The following COL5A3 variants were observed in gnomAD, a reference collection of about 807,000 sequenced individuals.
COL5A3 encodes the protein collagen type V alpha 3 chain, also known as collagen alpha-3(V) chain.
A neutral mutation model predicts 250.0 loss-of-function variants in COL5A3; 172 were observed. That is an observed-to-expected ratio of 0.69 (90% CI 0.61 to 0.78). The LOEUF (loss-of-function observed/expected upper bound fraction) is 0.78, where lower values mean the gene tolerates loss of function less well. Among genes scored for constraint, COL5A3 ranks in the 30% least tolerant of loss-of-function variants. The pLI is 0.00. For synonymous variants in COL5A3, 937 were observed against 900.4 expected, an observed-to-expected ratio of 1.04 and a Z score of -0.73; for missense variants, 2,340 against 2,334.4, an observed-to-expected ratio of 1.00 and a Z score of -0.05.
intron 27 of COL5A3, 145 bp downstream of exon 27, chr19:9,988,979 G>A (rs1484685704): frequency 2.5e-6 from 2 of 786,654 alleles, no homozygotes; most frequent in Admixed American, 3.9e-5. Context: ...GTCCTTGGCT[G>A]TGCAGCTCCA....
intron 64 of COL5A3, among the ~76,000 whole-genome samples, chr19:9,964,125 A>G (rs1173406408): frequency 6.6e-6 from 1 of 152,120 alleles, no homozygotes; most frequent in Non-Finnish European, 1.5e-5. Flanking sequence ...GTGAACCAAG[A>G]TCACGCCACT....
chr19:10,005,672 G>A lies in COL5A3; in HGVS notation c.480C>T (p.Thr160=). The A allele has an allele frequency of 6.2e-7, 1 of 1,613,624 alleles. No homozygotes were observed. The highest frequency in any genetic ancestry group is 1.1e-5 in the South Asian group (1 of 91,006). The change falls in exon 4 of 67, where the codon ACC becomes ACT. Residue 160 remains threonine, a synonymous_variant. Transcript: ENST00000264828. ...VAVSIDGEMV[T]LVADCEAQPP... ...GCTGAGCTTCACAGTCAGCTACCAG[G>A]GTCACCATCTCACCATCTATGCTGA...
chr19:9,995,717 G>T, intron 15 of COL5A3, 100 bp from the exon 16 acceptor site: 1 of 892,156 alleles, frequency 1.1e-6, no homozygotes, highest in Non-Finnish European at 1.7e-6. Flanking sequence ...TTGCTGTATT[G>T]CCCAGGCCAG....
chr19:9,993,506 T>C, intron 18 of COL5A3, 73 bp from the exon 19 acceptor site: 4 of 1,584,984 alleles, frequency 2.5e-6, no homozygotes, highest in Non-Finnish European at 2.6e-6. Flanking sequence ...GGAAGGCAGA[T>C]GGGGTGTGAG....
chr19:10,003,038 C>T (rs2087387423), intron 6 of COL5A3, among the ~76,000 whole-genome samples: 1 of 152,092 alleles, frequency 6.6e-6, no homozygotes, highest in Non-Finnish European at 1.5e-5. Flanking sequence ...AAACACTGAC[C>T]TCAATTAATA....
At chr19:10,001,907 G>A in intron 6 of COL5A3, 26 bp from the exon 7 acceptor site, 2 of 1,550,822 alleles carry the variant, frequency 1.3e-6, no homozygotes, top group East Asian at 2.2e-5. Context: ...AGGGAGCCTT[G>A]GGTCTCGGGT....
chr19:9,985,349 C>T (rs2087084462), intron 31 of COL5A3, among the ~76,000 whole-genome samples: 1 of 151,044 alleles, frequency 6.6e-6, no homozygotes, highest in African/African-American at 2.4e-5. Context: ...CAACCTCTGC[C>T]TCCTGGGTTC....
chr19:9,965,299 C>A (rs572715440), intron 64 of COL5A3, among the ~76,000 whole-genome samples: 7 of 151,456 alleles, frequency 4.6e-5, no homozygotes, highest in South Asian at 4.2e-4. Context: ...GGACTACAGG[C>A]GCCTGCCACC....
Position 9,969,591 on chromosome 19 carries a change from C to A in COL5A3, c.4082G>T (p.Gly1361Val). Residue 1361 changes from glycine to valine, a missense_variant, in exon 56 of 67, where the codon GGG (glycine) becomes GTG (valine). Transcript: ENST00000264828. The stretch of plus-strand genomic sequence containing the variant: ...TCCACTCACCACAGGGCCAGGGATC[C>A]CTCGAAGACCCTCAGGCCCCACACG... The part of the protein sequence containing the change: ...PGRVGPEGLR[G>V]IPGPVGEPGL... The A allele has an allele frequency of 6.2e-7, 1 of 1,610,010 alleles. No individual in the cohort carries two copies.
intron 24 of COL5A3, among the ~76,000 whole-genome samples, chr19:9,990,169 G>A (rs2087165198): frequency 6.6e-6 from 1 of 151,656 alleles, no homozygotes; most frequent in Admixed American, 6.6e-5. Context: ...CGAGGAGGGT[G>A]GATCACCTGA....
At chr19:9,992,133 G>A in intron 21 of COL5A3, 85 bp from the exon 22 acceptor site, 5 of 1,221,528 alleles carry the variant, frequency 4.1e-6, no homozygotes, top group Non-Finnish European at 4.8e-6. Context: ...AGGTGGAAAG[G>A]TGAGCAGGGC....
chr19:9,979,751 A>C, intron 37 of COL5A3, 88 bp downstream of exon 37: 1 of 1,271,030 alleles, frequency 7.9e-7, no homozygotes. Flanking sequence ...GCCCCACTGC[A>C]CTCTAGCCCA....
chr19:10,006,867 T>C (rs1472210426), intron 1 of COL5A3, among the ~76,000 whole-genome samples: 1 of 151,978 alleles, frequency 6.6e-6, no homozygotes, highest in Non-Finnish European at 1.5e-5. Flanking sequence ...CCTTTTTCTG[T>C]CTGATCCCAA....
chr19:9,975,327 G>A (rs553124888), intron 45 of COL5A3, among the ~76,000 whole-genome samples: 24 of 151,978 alleles, frequency 1.6e-4, no homozygotes, highest in Admixed American at 5.3e-4. Context: ...TGATCCACCC[G>A]CCTTGGCCTC....
intron 11 of COL5A3, chr19:9,996,908 G>C: frequency 1.8e-6 from 1 of 563,840 alleles, no homozygotes. Flanking sequence ...GAAGGGGAGA[G>C]AGGGATGGAG....
rs756832146 is a variant in COL5A3 at position 9,968,374 on chromosome 19, A to G, written c.4314+11T>C. On this transcript the variant is annotated intron_variant, in intron 59 of 66. Transcript: ENST00000264828. This position sits in a 1 kb window ranked among gnomAD's most constrained non-coding sequence, Gnocchi z 4.1. Reference sequence around the variant, plus strand: ...CAAATGCATTCTTCCCGCTCAGGTCAGGACACTCACAGGGTCTCCCTTGGG... The same window carrying G: ...CAAATGCATTCTTCCCGCTCAGGTCGGGACACTCACAGGGTCTCCCTTGGG... 4.7e-5 allele frequency: 74 copies of G among 1,581,282 alleles called. No individual in the cohort carries two copies. In the South Asian group the frequency reaches 7.2e-4, roughly 15 times the overall value.
chr19:9,986,827 T>C (rs2087108027), intron 27 of COL5A3, 69 bp from the exon 28 acceptor site: 2 of 1,558,534 alleles, frequency 1.3e-6, no homozygotes, highest in Admixed American at 3.4e-5. Context: ...CTCAGTCCCC[T>C]GCTCTAAAGC....
chr19:9,968,521 G>T lies in COL5A3; in HGVS notation c.4207-29C>A. On this transcript the variant is annotated intron_variant, in intron 58 of 66. Coordinates refer to ENST00000264828, the MANE Select transcript of COL5A3 (RefSeq NM_015719.4). This position sits in a 1 kb window ranked among gnomAD's most constrained non-coding sequence, Gnocchi z 4.1. ...AAGGACAAAAGAGGCACAGACAGGG[G>T]AGGACGTGGGAGGATTCAGGGAGGT... 1.3e-6 allele frequency: 2 copies of T among 1,577,710 alleles called. No homozygotes were observed. Among genetic ancestry groups the T allele is most frequent in the South Asian group, 1.2e-5 (1 of 86,172 alleles).
Position 9,967,909 on chromosome 19 carries a change from A to G in COL5A3, c.4399T>C (p.Ser1467Pro), listed in dbSNP as rs769990667. Residue 1467 changes from serine (S) to proline (P), a missense_variant, in exon 61 of 67, where the codon TCT (serine) becomes CCT (proline). Physicochemically the swap from Ser to Pro is moderately conservative, Grantham distance 74. Around this residue, in one of 3 missense-constraint regions of COL5A3, gnomAD observed 1,179 missense variants for 1,162.6 expected, o/e 1.01. Transcript: ENST00000264828. ...GPLGQKGSKG[S>P]PGSMGPRGDT... ...CGGAAGCAGGGTGTACTCACCGGAGACCCTTTTGAGCCTTTCTGTCCTAGA... is the reference window on the plus strand; with the variant it reads ...CGGAAGCAGGGTGTACTCACCGGAGGCCCTTTTGAGCCTTTCTGTCCTAGA... 97 of 1,612,992 alleles carry G rather than the reference A, an allele frequency of 6.0e-5. No individual in the cohort carries two copies. Among genetic ancestry groups the G allele is most frequent in the Non-Finnish European group, 8.0e-5 (94 of 1,179,696 alleles).
Sources: allele counts gnomAD v4.1 joint callset (sites outside exome capture counted in the v4.1 genomes callset), GRCh38; gene constraint gnomAD v4.1.1; regional missense constraint gnomAD v4.1.1; non-coding constraint Gnocchi (gnomAD v3.1); transcripts MANE v1.5; gene names NCBI Gene and HGNC (gene_info 2026-07-23, HGNC 2026-07-21).